The following TXLNB variants were observed in gnomAD, a reference collection of about 807,000 sequenced individuals.
The protein encoded by TXLNB is beta-taxilin.
A neutral mutation model predicts 57.4 loss-of-function variants in TXLNB; 37 were observed. The ratio of observed to expected loss-of-function variants is 0.64; its 90% CI spans 0.50 to 0.85. TXLNB has a LOEUF of 0.85. Ranked by LOEUF, TXLNB falls within the 40% of genes least tolerant of loss-of-function variation. The probability of loss-of-function intolerance (pLI) is 0.00; values close to 1 mark genes in which losing one functional copy is unlikely to be tolerated. For missense variants in TXLNB, 848 were observed against 825.6 expected, an observed-to-expected ratio of 1.03 and a Z score of -0.33; for synonymous variants, 302 against 309.6, an observed-to-expected ratio of 0.98 and a Z score of 0.26.
At chr6:139,223,659 A>G in the TXLNB span, among the ~76,000 whole-genome samples, 6 of 151,906 alleles carry the variant, frequency 3.9e-5, no homozygotes, top group African/African-American at 1.4e-4. Flanking sequence ...ACTTCTCAAA[A>G]GAAGACATTT....
At chr6:139,233,574 G>A in the TXLNB span, among the ~76,000 whole-genome samples, 1 of 151,934 alleles carries the variant, frequency 6.6e-6, no homozygotes, top group Middle Eastern at 3.4e-3. Flanking sequence ...TTAAGTGTCT[G>A]GTGTTTCCTT....
At chr6:139,206,348 A>G in the TXLNB span, among the ~76,000 whole-genome samples, 1 of 152,232 alleles carries the variant, frequency 6.6e-6, no homozygotes, top group South Asian at 2.1e-4. Context: ...CATTGAATGT[A>G]AATGACCTAA....
chr6:139,235,956 C>T (rs1273063477), downstream of TXLNB, among the ~76,000 whole-genome samples: 3 of 152,152 alleles, frequency 2.0e-5, no homozygotes, highest in South Asian at 4.1e-4. Flanking sequence ...AGGCCATCAA[C>T]AGTGGAACAA....
At position 139,288,591 on chromosome 6, in the gene TXLNB, C is replaced by G. The variant is rs753598815; in HGVS notation, c.309G>C (p.Glu103Asp). 6.2e-7 allele frequency: 1 copy of G among 1,614,192 alleles called. No individual in the cohort carries two copies. The highest frequency in any genetic ancestry group is 1.1e-5 in the South Asian group (1 of 91,084). The change falls in exon 2 of 10, where the codon GAG (glutamate) becomes GAC (aspartate). Residue 103 changes from glutamate to aspartate, a missense_variant. Glu to Asp is a conservative substitution (Grantham distance 45, BLOSUM62 2). Coordinates refer to ENST00000358430, the MANE Select transcript of TXLNB (RefSeq NM_153235.4). ...CTCTTCCAGCCTCTTCAGTTGTTTC[C>G]TCACAGTCCCCATCCTCGTTGTCAG... is the stretch of plus-strand genomic sequence containing the variant. Reference protein sequence around the residue: ...ESPDNEDGDCEETTEEAGREP... With the variant: ...ESPDNEDGDCDETTEEAGREP...
downstream of TXLNB, chr6:139,237,522 A>AG (rs1775849617): frequency 1.3e-5 from 2 of 151,930 alleles, no homozygotes; most frequent in South Asian, 2.1e-4. Flanking sequence ...AAAAAAAAAA[A>AG]AAAAGAAAAG....
At chr6:139,228,938 C>T in the TXLNB span, among the ~76,000 whole-genome samples, 2 of 152,168 alleles carry the variant, frequency 1.3e-5, no homozygotes, top group Admixed American at 6.5e-5. Context: ...AATACTCTAT[C>T]AAGTGTTACA....
the TXLNB span, among the ~76,000 whole-genome samples, chr6:139,216,810 A>C: frequency 1.3e-5 from 2 of 152,146 alleles, no homozygotes; most frequent in Non-Finnish European, 2.9e-5. Flanking sequence ...GTGGGAGCTA[A>C]GCTATGAGGA....
chr6:139,307,811 A>C, the TXLNB span, among the ~76,000 whole-genome samples: 1 of 152,324 alleles, frequency 6.6e-6, no homozygotes, highest in Non-Finnish European at 1.5e-5. Flanking sequence ...AAGACTAAGA[A>C]ATAATTATAT....
the TXLNB span, chr6:139,166,531 C>G: frequency 6.2e-7 from 1 of 1,614,258 alleles, no homozygotes; most frequent in Non-Finnish European, 8.5e-7. Flanking sequence ...ACCTGGCCTT[C>G]CGCTTCTGCT....
At chr6:139,316,669 CAAAA>C in the TXLNB span, among the ~76,000 whole-genome samples, 1 of 152,072 alleles carries the variant, frequency 6.6e-6, no homozygotes, top group Middle Eastern at 3.2e-3. Context: ...ACAAGAATAA[CAAAA>C]AAGCCTGTAA....
At chr6:139,199,575 C>T in the TXLNB span, among the ~76,000 whole-genome samples, 1 of 152,114 alleles carries the variant, frequency 6.6e-6, no homozygotes, top group Non-Finnish European at 1.5e-5. Flanking sequence ...GTGCATTGAA[C>T]CCAAGCTGGG....
At chr6:139,206,832 C>T in the TXLNB span, among the ~76,000 whole-genome samples, 4 of 152,138 alleles carry the variant, frequency 2.6e-5, no homozygotes, top group South Asian at 4.2e-4. Context: ...AAACCAAAAG[C>T]GAGCAGCAGT....
the TXLNB span, among the ~76,000 whole-genome samples, chr6:139,226,363 G>A: frequency 7.3e-6 from 1 of 137,764 alleles, no homozygotes; most frequent in African/African-American, 2.7e-5. Flanking sequence ...ACATACACCT[G>A]AACATTCAAT....
At chr6:139,235,612 C>T (rs1775827425), downstream of TXLNB, among the ~76,000 whole-genome samples, 1 of 152,066 alleles carries the variant, frequency 6.6e-6, no homozygotes, top group African/African-American at 2.4e-5. Context: ...TGGTTTCCCC[C>T]ATGCTGTTCT....
chr6:139,192,198 C>A, the TXLNB span, among the ~76,000 whole-genome samples: 1 of 152,136 alleles, frequency 6.6e-6, no homozygotes, highest in South Asian at 2.1e-4. Flanking sequence ...AATTTGGGAA[C>A]CCTCTGGAGT....
At chr6:139,190,314 T>C in the TXLNB span, among the ~76,000 whole-genome samples, 4 of 145,116 alleles carry the variant, frequency 2.8e-5, no homozygotes, top group East Asian at 7.8e-4. Flanking sequence ...TCTTTCTTTT[T>C]TTTTTTTTTT....
chr6:139,220,520 T>C, the TXLNB span, among the ~76,000 whole-genome samples: 4 of 152,142 alleles, frequency 2.6e-5, no homozygotes, highest in African/African-American at 9.7e-5. Flanking sequence ...CAAATTTAAG[T>C]GGATACAAAG....
intron 2 of TXLNB, among the ~76,000 whole-genome samples, chr6:139,280,268 AAAAAAAAG>A (rs1340051123): frequency 1.2e-4 from 18 of 151,242 alleles, no homozygotes; most frequent in African/African-American, 3.9e-4. Flanking sequence ...AAAAAAAAAA[AAAAAAAAG>A]AAAGAAAGAA....
intron 5 of TXLNB, among the ~76,000 whole-genome samples, chr6:139,261,056 C>T (rs1776468317): frequency 6.6e-6 from 1 of 152,110 alleles, no homozygotes; most frequent in Non-Finnish European, 1.5e-5. Flanking sequence ...GAGCTCGCCA[C>T]ACCTTTTGAC....
Sources: gnomAD v4.1 joint callset for allele counts (sites outside exome capture counted in the v4.1 genomes callset) on GRCh38, gnomAD v4.1.1 for gene constraint, MANE v1.5 for transcripts, NCBI Gene and HGNC (gene_info 2026-07-23, HGNC 2026-07-21) for gene names.